ZNF169: variants seen among roughly 807,000 people sequenced by gnomAD.
ZNF169 encodes zinc finger protein 169.
Under a neutral mutation model 12.0 loss-of-function variants are expected in ZNF169, and 11 were observed. That is an observed-to-expected ratio of 0.92 (90% CI 0.58 to 1.52). The LOEUF (loss-of-function observed/expected upper bound fraction) is 1.52, where lower values mean the gene tolerates loss of function less well. ZNF169 is among the 40% of genes most tolerant of loss of function. The pLI is 0.00. For missense variants in ZNF169, 722 were observed against 744.0 expected, an observed-to-expected ratio of 0.97 and a Z score of 0.34; for synonymous variants, 302 against 286.5, an observed-to-expected ratio of 1.05 and a Z score of -0.55.
intron 4 of ZNF169, chr9:94,294,443 G>T (rs1472993530): frequency 7.0e-6 from 1 of 143,212 alleles, no homozygotes; most frequent in Non-Finnish European, 1.5e-5. Context: ...ATCTCACAAA[G>T]AAAAAAAAAA....
intron 2 of ZNF169, among the ~76,000 whole-genome samples, chr9:94,290,236 C>A (rs990383154): frequency 6.6e-6 from 1 of 152,188 alleles, no homozygotes; most frequent in African/African-American, 2.4e-5. Context: ...AAATCTGCAG[C>A]TAACATTCTT....
intron 2 of ZNF169, among the ~76,000 whole-genome samples, chr9:94,284,176 G>A (rs1830684981): frequency 6.6e-6 from 1 of 151,616 alleles, no homozygotes; most frequent in Non-Finnish European, 1.5e-5. Flanking sequence ...TGTAACCCCA[G>A]CACTTTGGGA....
intron 2 of ZNF169, among the ~76,000 whole-genome samples, chr9:94,291,156 G>A (rs1486279184): frequency 7.0e-6 from 1 of 143,028 alleles, no homozygotes. Context: ...CCAGGTTCAA[G>A]CAATTCTCTG....
rs1281990309 is a variant in ZNF169 at position 94,299,915 on chromosome 9, C to G, written c.357C>G (p.Ile119Met). 1.2e-6 allele frequency: 2 copies of G among 1,614,146 alleles called. No individual in the cohort carries two copies. The highest frequency in any genetic ancestry group is 1.7e-6 in the Non-Finnish European group (2 of 1,180,040). ...QYALSGHPTQIFPSSSAGGDF... is the reference protein window; with the variant it reads ...QYALSGHPTQMFPSSSAGGDF... ...CGCTAAGTGGCCATCCCACACAGAT[C>G]TTCCCAAGCTCATCTGCAGGAGGTG... Residue 119 changes from isoleucine to methionine, a missense_variant, in exon 5 of 5, where the codon ATC (isoleucine) becomes ATG (methionine). By Grantham distance (10) the Ile-to-Met change is conservative. Coordinates refer to ENST00000395395, the MANE Select transcript of ZNF169 (RefSeq NM_194320.4).
intron 2 of ZNF169, among the ~76,000 whole-genome samples, chr9:94,281,107 G>A (rs1042335739): frequency 3.9e-5 from 6 of 152,200 alleles, no homozygotes; most frequent in African/African-American, 1.4e-4. Context: ...AAGCATCTAA[G>A]AGGCTTAGCA....
chr9:94,264,865 G>A (rs967060251), intron 1 of ZNF169, among the ~76,000 whole-genome samples: 4 of 151,532 alleles, frequency 2.6e-5, no homozygotes, highest in African/African-American at 9.7e-5. Context: ...ATTGTATTTT[G>A]TTGTATGATT....
rs75862415 is a variant in ZNF169, at chr9:94,263,872, A to G, written c.-56+4527A>G. On this transcript the variant is annotated intron_variant, in intron 1 of 4. Transcript: ENST00000395395. ...TAGCATTCTAATTTAACTTAATTCA[A>G]TATAACTTAATTGCCACTTAGCTAT... is the stretch of plus-strand genomic sequence containing the variant. Among the ~76,000 whole-genome samples the G allele has an allele frequency of 7.0e-4, 106 of 150,706 alleles. No homozygotes were observed. The East Asian group carries it at 0.013, about 19-fold the overall frequency.
Position 94,300,847 on chromosome 9 carries a change from A to T in ZNF169, c.1289A>T (p.Tyr430Phe), listed in dbSNP as rs1186858728. 7.4e-6 allele frequency: 12 copies of T among 1,613,088 alleles called. No individual in the cohort carries two copies. Among genetic ancestry groups the T allele is most frequent in the South Asian group, 2.2e-5 (2 of 91,032 alleles). ...AGGACACACACAGGGGAGAAGCCTT[A>T]CCTGTGCCCCCAGTGTGGGCGGGGT... ...HQRTHTGEKPYLCPQCGRGFS... is the reference protein window; with the variant it reads ...HQRTHTGEKPFLCPQCGRGFS... The change falls in exon 5 of 5, where the codon TAC becomes TTC. Residue 430 changes from tyrosine to phenylalanine, a missense_variant. Tyr to Phe is a conservative substitution (Grantham distance 22). Transcript: ENST00000395395.
chr9:94,270,831 AT>A (rs1159472612), intron 1 of ZNF169, among the ~76,000 whole-genome samples: 675 of 11,558 alleles, frequency 0.058, 95 homozygotes, highest in Non-Finnish European at 0.15. Flanking sequence ...TATATATAAA[AT>A]ATATATATTA....
At chr9:94,261,556 C>T (rs1320289866) in intron 1 of ZNF169, among the ~76,000 whole-genome samples, 1 of 152,236 alleles carries the variant, frequency 6.6e-6, no homozygotes, top group Non-Finnish European at 1.5e-5. Flanking sequence ...ACTCACCTGT[C>T]TTCTTTCCCC....
intron 1 of ZNF169, among the ~76,000 whole-genome samples, chr9:94,273,181 T>A (rs1482966692): frequency 6.6e-6 from 1 of 152,222 alleles, no homozygotes; most frequent in Non-Finnish European, 1.5e-5. Flanking sequence ...CTTATCACTC[T>A]GTTGGCTGTT....
intron 4 of ZNF169, among the ~76,000 whole-genome samples, chr9:94,298,598 A>G (rs895497904): frequency 2.6e-5 from 4 of 151,826 alleles, no homozygotes; most frequent in Non-Finnish European, 4.4e-5. Flanking sequence ...TTAGCCGGGC[A>G]TGGTGGTGCA....
chr9:94,267,862 C>CTTTTTTTTT (rs34734711), intron 1 of ZNF169, among the ~76,000 whole-genome samples: 2 of 114,104 alleles, frequency 1.8e-5, no homozygotes, highest in African/African-American at 3.3e-5. Context: ...AAACTGCCTT[C>CTTTTTTTTT]TTTTTTTTTT....
At chr9:94,283,382 TG>T (rs761910976) in intron 2 of ZNF169, among the ~76,000 whole-genome samples, 17 of 152,140 alleles carry the variant, frequency 1.1e-4, no homozygotes, top group Non-Finnish European at 8.8e-5. Context: ...TACTCCAGCC[TG>T]GGCGACAAAG....
intron 1 of ZNF169, among the ~76,000 whole-genome samples, chr9:94,271,185 T>C (rs781404559): frequency 5.0e-4 from 75 of 149,802 alleles, no homozygotes; most frequent in Non-Finnish European, 5.5e-4. Flanking sequence ...AGCCTTAACC[T>C]CCTGGGCTCA....
chr9:94,293,033 A>G lies in ZNF169; in HGVS notation c.220A>G (p.Arg74Gly), dbSNP rs1007181934. 1.9e-6 allele frequency: 3 copies of G among 1,613,426 alleles called. No individual in the cohort carries two copies. In the African/African-American group the frequency reaches 4.0e-5, roughly 22 times the overall value. The change falls in exon 4 of 5, where the codon AGA becomes GGA. Residue 74 changes from arginine to glycine, a missense_variant. Physicochemically the swap from Arg to Gly is moderately radical, Grantham distance 125 (BLOSUM62 -2). Coordinates refer to ENST00000395395, the MANE Select transcript of ZNF169 (RefSeq NM_194320.4). ...GCTGGAGCAAGGCGACGAACCTTGG[A>G]GAGAGGAGAACGAACATCTTCTGGA... ...EQLEQGDEPW[R>G]EENEHLLDLC...
intron 1 of ZNF169, among the ~76,000 whole-genome samples, chr9:94,273,762 G>A (rs965882470): frequency 1.3e-4 from 19 of 151,838 alleles, no homozygotes; most frequent in African/African-American, 4.4e-4. Flanking sequence ...TGTATTTTTA[G>A]TAGAGATGGG....
chr9:94,287,798 T>C (rs1830746154), intron 2 of ZNF169: 10 of 1,255,486 alleles, frequency 8.0e-6, no homozygotes, highest in Non-Finnish European at 1.2e-5. Flanking sequence ...TACCTGGCTT[T>C]AGGGTTTGAT....
intron 1 of ZNF169, among the ~76,000 whole-genome samples, chr9:94,261,303 G>A (rs1210650526): frequency 6.6e-6 from 1 of 152,074 alleles, no homozygotes. Context: ...GATTTCAGGC[G>A]TGAGCCACCG....
Sources: allele counts gnomAD v4.1 joint callset (sites outside exome capture counted in the v4.1 genomes callset), GRCh38; gene constraint gnomAD v4.1.1; transcripts MANE v1.5; gene names NCBI Gene and HGNC (gene_info 2026-07-23, HGNC 2026-07-21).